SP4: variants seen among roughly 807,000 people sequenced by gnomAD.
SP4 encodes Sp4 transcription factor.
A neutral mutation model predicts 72.8 loss-of-function variants in SP4; 19 were observed. The observed-to-expected ratio is 0.26, with a 90% CI of 0.18 to 0.38. SP4 has a LOEUF of 0.38. SP4 is among the 10% of genes least tolerant of loss of function. The pLI is 1.00. For missense variants in SP4, 1,008 were observed against 926.3 expected, an observed-to-expected ratio of 1.09 and a Z score of -1.14; for synonymous variants, 395 against 333.1, an observed-to-expected ratio of 1.19 and a Z score of -2.02.
intron 3 of SP4, among the ~76,000 whole-genome samples, chr7:21,453,549 C>T (rs1463358584): frequency 6.6e-6 from 1 of 152,124 alleles, no homozygotes; most frequent in Non-Finnish European, 1.5e-5. Flanking sequence ...GAACCCATAC[C>T]AATAACACAC....
chr7:21,476,038 A>G (rs1273217737), intron 3 of SP4, among the ~76,000 whole-genome samples: 1 of 152,140 alleles, frequency 6.6e-6, no homozygotes, highest in Non-Finnish European at 1.5e-5. Context: ...TGGGAGGCCA[A>G]AGCAGGTGAA....
chr7:21,444,002 G>T (rs1264267515), intron 3 of SP4, among the ~76,000 whole-genome samples: 2 of 152,188 alleles, frequency 1.3e-5, no homozygotes, highest in African/African-American at 4.8e-5. Context: ...TTTATTTTCA[G>T]AATTTCTCTC....
chr7:21,428,384 C>A, intron 1 of SP4, 126 bp downstream of exon 1: 1 of 698,790 alleles, frequency 1.4e-6, no homozygotes. Flanking sequence ...GAGGAGAGGG[C>A]GGGAGGGAAT....
chr7:21,478,739 C>G (rs1784589919), intron 4 of SP4, among the ~76,000 whole-genome samples: 1 of 151,962 alleles, frequency 6.6e-6, no homozygotes, highest in Admixed American at 6.6e-5. Context: ...TTTATATATT[C>G]TACATACAAA....
At chr7:21,434,293 T>G (rs1782974040) in intron 3 of SP4, among the ~76,000 whole-genome samples, 1 of 152,214 alleles carries the variant, frequency 6.6e-6, no homozygotes, top group East Asian at 1.9e-4. Flanking sequence ...TTCAGGAGAT[T>G]AAGGGAAGTC....
At chr7:21,476,974 C>T (rs750117043) in intron 3 of SP4, 105 bp from the exon 4 acceptor site, 1 of 775,990 alleles carries the variant, frequency 1.3e-6, no homozygotes, top group Non-Finnish European at 2.0e-6. Context: ...TTGTACTTTA[C>T]ACAGATTGTT....
chr7:21,489,208 A>G (rs1423821559), intron 5 of SP4, among the ~76,000 whole-genome samples: 1 of 152,242 alleles, frequency 6.6e-6, no homozygotes, highest in Admixed American at 6.5e-5. Flanking sequence ...GAAATGAAAC[A>G]GATTCTGTAA....
chr7:21,434,475 G>C (rs1285448606), intron 3 of SP4, among the ~76,000 whole-genome samples: 1 of 152,102 alleles, frequency 6.6e-6, no homozygotes, highest in South Asian at 2.1e-4. Flanking sequence ...TCTGTGCTTT[G>C]GTCTCAGCTG....
chr7:21,429,543 T>G lies in SP4; in HGVS notation c.378T>G (p.Ser126Arg), dbSNP rs1276542014. 1 of 1,614,062 alleles carries G rather than the reference T, an allele frequency of 6.2e-7. No individual in the cohort carries two copies. The highest frequency in any genetic ancestry group is 1.3e-5 in the African/African-American group (1 of 74,920). ...CTCAACCAGCCTCTAGTTCGTCTAG[T>G]TCTTCCAGCAGTAATAACGGGAGTG... ...NVSQPASSSSSSSSSNNGSAS... is the reference protein window; with the variant it reads ...NVSQPASSSSRSSSSNNGSAS... The change falls in exon 3 of 6, where the codon AGT (serine) becomes AGG (arginine). Residue 126 changes from serine to arginine, a missense_variant. Physicochemically the swap from Ser to Arg is moderately radical, Grantham distance 110. Transcript: ENST00000222584.
chr7:21,509,993 A>T (rs1213730664), intron 5 of SP4, among the ~76,000 whole-genome samples: 1 of 152,182 alleles, frequency 6.6e-6, no homozygotes, highest in Non-Finnish European at 1.5e-5. Context: ...AAGAGAGAAT[A>T]AGGAAGACAC....
chr7:21,476,373 A>C (rs1461559219), intron 3 of SP4, among the ~76,000 whole-genome samples: 1 of 150,824 alleles, frequency 6.6e-6, no homozygotes, highest in Non-Finnish European at 1.5e-5. Context: ...TATTTATTAT[A>C]TTTTTCCCAA....
chr7:21,473,675 C>A (rs140586985), intron 3 of SP4, among the ~76,000 whole-genome samples: 1 of 152,176 alleles, frequency 6.6e-6, no homozygotes, highest in Non-Finnish European at 1.5e-5. Flanking sequence ...GATTTGAACT[C>A]AGACCAGAAT....
At chr7:21,466,217 G>A (rs529453109) in intron 3 of SP4, among the ~76,000 whole-genome samples, 15 of 152,264 alleles carry the variant, frequency 9.9e-5, no homozygotes, top group African/African-American at 3.4e-4. Flanking sequence ...TTCTCCAGCA[G>A]CATTAAGCAC....
chr7:21,428,359 A>T (rs1000466456), intron 1 of SP4, 101 bp downstream of exon 1: 2 of 718,812 alleles, frequency 2.8e-6, no homozygotes, highest in South Asian at 1.5e-5. Context: ...GGCCGCTGAG[A>T]TGCTTTAAGG....
intron 3 of SP4, among the ~76,000 whole-genome samples, chr7:21,446,054 A>ATG (rs3060612): frequency 0.011 from 1,665 of 147,754 alleles, 35 homozygotes; most frequent in African/African-American, 0.039. Context: ...GTAGATATAT[A>ATG]TGTGTGTGTG....
intron 5 of SP4, among the ~76,000 whole-genome samples, chr7:21,498,425 G>T (rs1208892999): frequency 6.6e-6 from 1 of 152,128 alleles, no homozygotes; most frequent in Non-Finnish European, 1.5e-5. Context: ...CCAGGTAAAT[G>T]ATACTGGAAA....
intron 3 of SP4, among the ~76,000 whole-genome samples, chr7:21,453,068 G>A (rs79949157): frequency 0.022 from 3,363 of 152,250 alleles, 127 homozygotes; most frequent in African/African-American, 0.075. Flanking sequence ...GTGAGCCACC[G>A]TGCCCGACCT....
intron 3 of SP4, among the ~76,000 whole-genome samples, chr7:21,435,491 C>T (rs889500219): frequency 2.0e-5 from 3 of 151,962 alleles, no homozygotes; most frequent in Non-Finnish European, 4.4e-5. Flanking sequence ...TTTTCCAGAG[C>T]TACTAAAGGT....
In SP4 at chr7:21,429,121, A is replaced by G. The variant is rs192088534; in HGVS notation, c.124-168A>G. 3.8e-3 allele frequency among the ~76,000 whole-genome samples: 561 copies of G among 147,952 alleles called. 3 individuals are homozygous for G. Among genetic ancestry groups the G allele is most frequent in the African/African-American group, 5.3e-3 (199 of 37,432 alleles). On this transcript the variant is annotated intron_variant, in intron 2 of 5. Transcript: ENST00000222584. ...TATTATAGGACTTGCTTCCTTATTC[A>G]TATAGTTCTTATCTACTTTTGTTCG...
Sources: allele counts gnomAD v4.1 joint callset (sites outside exome capture counted in the v4.1 genomes callset), GRCh38; gene constraint gnomAD v4.1.1; transcripts MANE v1.5; gene names NCBI Gene and HGNC (gene_info 2026-07-23, HGNC 2026-07-21).